ELL: variants seen among roughly 807,000 people sequenced by gnomAD.
ELL encodes the protein elongation factor for RNA polymerase II, also known as RNA polymerase II elongation factor ELL.
A neutral mutation model predicts 64.0 loss-of-function variants in ELL; 18 were observed. The ratio of observed to expected loss-of-function variants is 0.28; its 90% CI spans 0.19 to 0.42. The LOEUF is 0.42. ELL is among the 10% of genes least tolerant of loss of function. The pLI is 1.00. For missense variants in ELL, 797 were observed against 870.4 expected (o/e 0.92, Z 1.06); for synonymous variants, 399 against 376.2 (o/e 1.06, Z -0.70).
intron 4 of ELL, 91 bp downstream of exon 4, chr19:18,465,321 C>T: frequency 6.7e-7 from 1 of 1,481,754 alleles, no homozygotes; most frequent in South Asian, 1.3e-5. Context: ...GTGCAGGGCA[C>T]AGCCAGTGCC....
chr19:18,465,967 G>A (rs1009142771), intron 2 of ELL, 49 bp from the exon 3 acceptor site: 3 of 1,262,462 alleles, frequency 2.4e-6, no homozygotes, highest in Non-Finnish European at 3.0e-6. Context: ...GGCAGGACAG[G>A]TCCCCAGCCT....
chr19:18,521,792 C>A (rs919785246), intron 1 of ELL, 129 bp downstream of exon 1: 6 of 1,349,608 alleles, frequency 4.4e-6, no homozygotes, highest in Middle Eastern at 2.7e-4. Context: ...CGCGCCCCGC[C>A]GGCCCAGGGA....
chr19:18,495,327 G>A (rs768423417), intron 1 of ELL, among the ~76,000 whole-genome samples: 6 of 152,110 alleles, frequency 3.9e-5, no homozygotes, highest in Non-Finnish European at 7.4e-5. Context: ...CTGGCCCCAC[G>A]TGCACATCAC....
chr19:18,470,863 A>T, intron 2 of ELL: 2 of 434,212 alleles, frequency 4.6e-6, no homozygotes, highest in Non-Finnish European at 9.3e-6. Context: ...AGGGTTACAG[A>T]CTCCCCAGCC....
At chr19:18,494,341 T>A (rs1320223528) in intron 1 of ELL, among the ~76,000 whole-genome samples, 3 of 151,894 alleles carry the variant, frequency 2.0e-5, no homozygotes, top group Non-Finnish European at 2.9e-5. Context: ...CATGACAGCA[T>A]CAGCTCCCAG....
chr19:18,512,341 A>G (rs2080945289), intron 1 of ELL, among the ~76,000 whole-genome samples: 1 of 151,788 alleles, frequency 6.6e-6, no homozygotes, highest in Admixed American at 6.6e-5. Context: ...ATAAAGAAAT[A>G]AAAATAAAGA....
intron 2 of ELL, among the ~76,000 whole-genome samples, chr19:18,466,527 C>T (rs1333065435): frequency 6.6e-6 from 1 of 152,224 alleles, no homozygotes; most frequent in African/African-American, 2.4e-5. Flanking sequence ...GTCACACCAG[C>T]CTGACTTTGG....
intron 1 of ELL, among the ~76,000 whole-genome samples, chr19:18,505,646 G>A (rs1484227908): frequency 5.9e-5 from 9 of 152,180 alleles, no homozygotes; most frequent in East Asian, 3.9e-4. Context: ...TGTGACTGGC[G>A]CCTTGCAAGC....
chr19:18,486,780 C>T (rs1465655268), intron 1 of ELL, among the ~76,000 whole-genome samples: 1 of 152,192 alleles, frequency 6.6e-6, no homozygotes, highest in Non-Finnish European at 1.5e-5. Context: ...GAATCTGGCA[C>T]CCTTCAAGGC....
chr19:18,486,013 G>C lies in ELL; in HGVS notation c.136-13131C>G, dbSNP rs189118600. On this transcript the variant is annotated intron_variant, in intron 1 of 11. Transcript: ENST00000262809. ...AAAAAAAAAAAAGAAAGCAAGCTAC[G>C]GGGATGAAAACAGTTAAGGCACTCT... Among the ~76,000 whole-genome samples, 32 of 151,772 alleles carry C rather than the reference G, an allele frequency of 2.1e-4. No homozygotes were observed. The South Asian group carries it at 2.7e-3, about 13-fold the overall frequency.
At chr19:18,490,897 G>T (rs989455088) in intron 1 of ELL, among the ~76,000 whole-genome samples, 2 of 152,074 alleles carry the variant, frequency 1.3e-5, no homozygotes, top group Non-Finnish European at 2.9e-5. Context: ...CTCTCTCCCC[G>T]GTCTCACACA....
intron 1 of ELL, among the ~76,000 whole-genome samples, chr19:18,496,530 T>G (rs1290909791): frequency 6.7e-6 from 1 of 150,054 alleles, no homozygotes; most frequent in Non-Finnish European, 1.5e-5. Flanking sequence ...GTAACAACTT[T>G]TTTTTTTTTT....
intron 1 of ELL, among the ~76,000 whole-genome samples, chr19:18,478,431 C>T (rs1975223697): frequency 6.6e-6 from 1 of 152,212 alleles, no homozygotes. Context: ...AGCCATGCCT[C>T]AGGCCACCGC....
intron 2 of ELL, among the ~76,000 whole-genome samples, chr19:18,471,522 G>GC (rs1295205411): frequency 6.6e-6 from 1 of 152,218 alleles, no homozygotes; most frequent in Admixed American, 6.5e-5. Flanking sequence ...ACAAAAATTA[G>GC]CCAGGCATGG....
chr19:18,446,598 G>T, intron 9 of ELL, 118 bp from the exon 10 acceptor site: 1 of 1,495,936 alleles, frequency 6.7e-7, no homozygotes, highest in Non-Finnish European at 9.0e-7. Context: ...TGGATTATGA[G>T]GGGGCCTGGC....
intron 6 of ELL, among the ~76,000 whole-genome samples, chr19:18,456,346 T>C (rs1353647998): frequency 6.6e-6 from 1 of 152,158 alleles, no homozygotes. Flanking sequence ...GCCTCTGACC[T>C]TCAACGTGGA....
chr19:18,451,086 G>A, intron 7 of ELL, 111 bp from the exon 8 acceptor site: 1 of 1,378,574 alleles, frequency 7.3e-7, no homozygotes, highest in Admixed American at 3.1e-5. Flanking sequence ...GCCCACGCTG[G>A]CCACATGGGG....
chr19:18,479,671 T>C (rs1489169551), intron 1 of ELL, among the ~76,000 whole-genome samples: 2 of 134,234 alleles, frequency 1.5e-5, no homozygotes, highest in African/African-American at 6.0e-5. Flanking sequence ...ATCAAGCCAC[T>C]GCACTCCAGC....
chr19:18,444,853 T>A lies in ELL; in HGVS notation c.1765A>T (p.Ser589Cys), dbSNP rs753091134. Reference protein sequence around the residue: ...RKIKKTNTNYSQEKHRCEYLH... With the variant: ...RKIKKTNTNYCQEKHRCEYLH... ...TACTCGCAGCGGTGCTTCTCCTGGC[T>A]GTAGTTGGTGTTGGTCTGTGGGACA... Residue 589 changes from serine (S) to cysteine (C), a missense_variant, in exon 12 of 12, where the codon AGC becomes TGC. Physicochemically the swap from Ser to Cys is moderately radical, Grantham distance 112. Transcript: ENST00000262809. 1 of 1,611,812 alleles carries A rather than the reference T, an allele frequency of 6.2e-7. No homozygotes were observed. The highest frequency in any genetic ancestry group is 8.5e-7 in the Non-Finnish European group (1 of 1,179,862).
Sources: allele counts gnomAD v4.1 joint callset (sites outside exome capture counted in the v4.1 genomes callset), GRCh38; gene constraint gnomAD v4.1.1; transcripts MANE v1.5; gene names NCBI Gene and HGNC (gene_info 2026-07-23, HGNC 2026-07-21).